Variants in SLC7A5 observed in about 807,000 individuals in gnomAD.
SLC7A5 encodes the protein large neutral amino acids transporter small subunit 1.
Under a neutral mutation model 50.2 loss-of-function variants are expected in SLC7A5, and 23 were observed. The ratio of observed to expected loss-of-function variants is 0.46; its 90% CI spans 0.33 to 0.65. SLC7A5 has a LOEUF of 0.65. SLC7A5 is among the 30% of genes least tolerant of loss of function. The probability of loss-of-function intolerance (pLI) is 0.02; values close to 1 mark genes in which losing one functional copy is unlikely to be tolerated. For missense variants in SLC7A5, 578 were observed against 684.4 expected (o/e 0.84, Z 1.73); for synonymous variants, 393 against 330.6 (o/e 1.19, Z -2.05).
chr16:87,832,968 G>C lies in SLC7A5; in HGVS notation c.*2C>G, dbSNP rs747383028. 21 of 1,613,294 alleles carry C rather than the reference G, an allele frequency of 1.3e-5. No homozygotes were observed. The highest frequency in any genetic ancestry group is 1.6e-5 in the Non-Finnish European group (19 of 1,179,412). On this transcript the variant is annotated 3_prime_UTR_variant, in exon 10 of 10. Transcript: ENST00000261622. This position sits in a 1 kb window ranked among gnomAD's most constrained non-coding sequence, Gnocchi z 4.6. ...TCCTCCGGCAGCCACTCGGCCTCCTGGCTATGTCTCCTGGGGGACCACCTG... is the reference window on the plus strand; with the variant it reads ...TCCTCCGGCAGCCACTCGGCCTCCTCGCTATGTCTCCTGGGGGACCACCTG...
In SLC7A5 at chr16:87,830,878, C is replaced by T. The variant is rs1381254610; in HGVS notation, c.*2092G>A. Reference sequence around the variant, plus strand: ...CTTGAGGCATGTCCACGTCCCAGAGCAGGAGGTTGGAACAGAACGGCATCC... The same window carrying T: ...CTTGAGGCATGTCCACGTCCCAGAGTAGGAGGTTGGAACAGAACGGCATCC... On this transcript the variant is annotated 3_prime_UTR_variant, in exon 10 of 10. Transcript: ENST00000261622. 6.6e-6 allele frequency: 1 copy of T among 152,286 alleles called. No individual in the cohort carries two copies. Among genetic ancestry groups the T allele is most frequent in the Non-Finnish European group, 1.5e-5 (1 of 68,090 alleles). The allele number at this position is 152,286 out of a possible 1,614,324, so 9.4% of individuals were successfully genotyped here. A position where few individuals can be genotyped will look rare whatever the true frequency, so the allele number is the denominator to read the frequency against.
chr16:87,842,663 C>A (rs559786784), intron 2 of SLC7A5, among the ~76,000 whole-genome samples: 1 of 152,300 alleles, frequency 6.6e-6, no homozygotes, highest in African/African-American at 2.4e-5. Context: ...TCAGCCTACA[C>A]TGGGGGTGCT....
chr16:87,836,740 G>A lies in SLC7A5; in HGVS notation c.1141-93C>T, dbSNP rs112887878. On this transcript the variant is annotated intron_variant, in intron 7 of 9. Coordinates refer to ENST00000261622, the MANE Select transcript of SLC7A5 (RefSeq NM_003486.7). The stretch of plus-strand genomic sequence containing the variant: ...CACCGGGGACTGTCCAGCCTGGCTG[G>A]GCCCAGCTGAGCACCAGGGAATTTT... 1,005 of 1,392,440 alleles carry A rather than the reference G, an allele frequency of 7.2e-4. 6 individuals are homozygous for A. In the African/African-American group the frequency reaches 0.013, roughly 18 times the overall value. The allele number at this position is 1,392,440 out of a possible 1,614,324, so 86.3% of individuals were successfully genotyped here.
Position 87,839,683 on chromosome 16 carries a change from C to G in SLC7A5, c.939+19G>C, listed in dbSNP as rs751907770. Reference sequence around the variant, plus strand: ...CAGCCTCTCAGGCCCCTGGTGGAAGCTGGCGGGTAGCGGCTCACCACGGCC... The same window carrying G: ...CAGCCTCTCAGGCCCCTGGTGGAAGGTGGCGGGTAGCGGCTCACCACGGCC... On this transcript the variant is annotated intron_variant, in intron 5 of 9. Coordinates refer to ENST00000261622, the MANE Select transcript of SLC7A5 (RefSeq NM_003486.7). 1 of 1,612,666 alleles carries G rather than the reference C, an allele frequency of 6.2e-7. No individual in the cohort carries two copies. The highest frequency in any genetic ancestry group is 1.3e-5 in the African/African-American group (1 of 74,898).
intron 2 of SLC7A5, among the ~76,000 whole-genome samples, chr16:87,847,160 C>G (rs2055164166): frequency 6.6e-6 from 1 of 152,224 alleles, no homozygotes; most frequent in South Asian, 2.1e-4. Context: ...GAAGAAGGAA[C>G]AGCTCTAAGC....
chr16:87,832,859 T>C lies in SLC7A5; in HGVS notation c.*111A>G, dbSNP rs528287201. Reference sequence around the variant, plus strand: ...CGACCTGGGAGGGACGGCGAGGGACTGGGATGGGCAGCTGAGCTGTGGGTT... The same window carrying C: ...CGACCTGGGAGGGACGGCGAGGGACCGGGATGGGCAGCTGAGCTGTGGGTT... On this transcript the variant is annotated 3_prime_UTR_variant, in exon 10 of 10. Transcript: ENST00000261622. The surrounding 1 kb of genome is among the most constrained non-coding windows in gnomAD (Gnocchi z 4.6). The C allele has an allele frequency of 1.2e-6, 1 of 869,206 alleles. No individual in the cohort carries two copies. Among genetic ancestry groups the C allele is most frequent in the African/African-American group, 1.6e-5 (1 of 60,682 alleles). 53.8% of individuals were successfully genotyped at this position (869,206 alleles called of 1,614,324 possible). A position where few individuals can be genotyped will look rare whatever the true frequency, so the allele number is the denominator to read the frequency against.
rs919318539 is a variant in SLC7A5, at chr16:87,841,606, G to A, written c.665-451C>T. Among the ~76,000 whole-genome samples, 1 of 152,230 alleles carries A rather than the reference G, an allele frequency of 6.6e-6. No individual in the cohort carries two copies. Among genetic ancestry groups the A allele is most frequent in the Non-Finnish European group, 1.5e-5 (1 of 68,024 alleles). ...ACTAGGGCCCTGCTTCTTGGGGTGC[G>A]AGGAGCTCGGAACAGACTGCCCTCC... is the stretch of plus-strand genomic sequence containing the variant. On this transcript the variant is annotated intron_variant, in intron 2 of 9. Coordinates refer to ENST00000261622, the MANE Select transcript of SLC7A5 (RefSeq NM_003486.7). This position sits in a 1 kb window ranked among gnomAD's most constrained non-coding sequence, Gnocchi z 4.8.
intron 1 of SLC7A5, among the ~76,000 whole-genome samples, chr16:87,858,303 A>G (rs1441318608): frequency 6.6e-6 from 1 of 152,130 alleles, no homozygotes; most frequent in Non-Finnish European, 1.5e-5. Flanking sequence ...CATCACCATT[A>G]ATCTGACCAG....
intron 5 of SLC7A5, 127 bp from the exon 6 acceptor site, chr16:87,838,944 C>T: frequency 4.0e-6 from 3 of 741,648 alleles, no homozygotes; most frequent in Admixed American, 2.0e-5. Flanking sequence ...CTGCAGAGGA[C>T]CTCTCAGGCT....
intron 9 of SLC7A5, 87 bp downstream of exon 9, chr16:87,834,327 T>C (rs979532067): frequency 2.2e-6 from 3 of 1,339,856 alleles, no homozygotes; most frequent in Non-Finnish European, 2.1e-6. Context: ...CTTCGCCCCA[T>C]GTGGGTGGAG....
chr16:87,847,265 G>A (rs2055165600), intron 2 of SLC7A5, among the ~76,000 whole-genome samples: 1 of 152,222 alleles, frequency 6.6e-6, no homozygotes, highest in African/African-American at 2.4e-5. Context: ...TTTCTCACCA[G>A]AACAGCCCAG....
intron 7 of SLC7A5, chr16:87,837,615 C>G: frequency 1.9e-6 from 1 of 533,454 alleles, no homozygotes; most frequent in South Asian, 2.3e-5. Context: ...CTGCCTCCCG[C>G]ATTTCCGATG....
intron 2 of SLC7A5, among the ~76,000 whole-genome samples, chr16:87,849,269 G>C (rs1200359038): frequency 6.6e-6 from 1 of 152,170 alleles, no homozygotes; most frequent in Non-Finnish European, 1.5e-5. Context: ...GGGAGAAAGG[G>C]GTCAACACAA....
rs2055235006 is a variant in SLC7A5 at position 87,852,137 on chromosome 16, C to T, written c.539-288G>A. On this transcript the variant is annotated intron_variant, in intron 1 of 9. Coordinates refer to ENST00000261622, the MANE Select transcript of SLC7A5 (RefSeq NM_003486.7). This position sits in a 1 kb window ranked among gnomAD's most constrained non-coding sequence, Gnocchi z 4.5. ...CCCACCACACCAGGCCATGGAGTCC[C>T]ACCTGTAGTCAGGACTTCAAGTGGG... Among the ~76,000 whole-genome samples the T allele has an allele frequency of 6.6e-6, 1 of 152,182 alleles. No individual in the cohort carries two copies. The highest frequency in any genetic ancestry group is 2.4e-5 in the African/African-American group (1 of 41,442).
chr16:87,866,100 G>GA, intron 1 of SLC7A5, among the ~76,000 whole-genome samples: 1 of 152,288 alleles, frequency 6.6e-6, no homozygotes. Flanking sequence ...GTTCTATGGG[G>GA]GGGCGGGGGT....
At position 87,841,913 on chromosome 16, in the gene SLC7A5, G is replaced by T. The variant is rs368434673; in HGVS notation, c.665-758C>A. 6.6e-6 allele frequency among the ~76,000 whole-genome samples: 1 copy of T among 152,214 alleles called. No homozygotes were observed. Among genetic ancestry groups the T allele is most frequent in the Non-Finnish European group, 1.5e-5 (1 of 68,030 alleles). On this transcript the variant is annotated intron_variant, in intron 2 of 9. Coordinates refer to ENST00000261622, the MANE Select transcript of SLC7A5 (RefSeq NM_003486.7). This position sits in a 1 kb window ranked among gnomAD's most constrained non-coding sequence, Gnocchi z 4.8. ...CCAAATAAGGCCACCAGCATTCACAGGTTCCCCAGGAGGACATGTCTTTTG... is the reference window on the plus strand; with the variant it reads ...CCAAATAAGGCCACCAGCATTCACATGTTCCCCAGGAGGACATGTCTTTTG...
At chr16:87,851,684 C>T (rs759454515) in intron 2 of SLC7A5, 40 bp downstream of exon 2, 3 of 1,601,566 alleles carry the variant, frequency 1.9e-6, no homozygotes, top group Non-Finnish European at 8.5e-7. Flanking sequence ...ACAGGCAAAG[C>T]CTCGAGGGGC....
intron 1 of SLC7A5, among the ~76,000 whole-genome samples, chr16:87,865,959 T>G (rs2055455545): frequency 6.6e-6 from 1 of 152,146 alleles, no homozygotes; most frequent in South Asian, 2.1e-4. Context: ...AAGCAGAGGT[T>G]GCAGTGAGCA....
rs1424215286 is a variant in SLC7A5 at position 87,832,275 on chromosome 16, C to G, written c.*695G>C. 6.6e-6 allele frequency: 1 copy of G among 152,294 alleles called. No individual in the cohort carries two copies. Among genetic ancestry groups the G allele is most frequent in the Non-Finnish European group, 1.5e-5 (1 of 68,110 alleles). The allele number at this position is 152,294 out of a possible 1,614,324, so 9.4% of individuals were successfully genotyped here. A position where few individuals can be genotyped will look rare whatever the true frequency, so the allele number is the denominator to read the frequency against. ...AGCTAGGGGAGATGCCGGCACCCCC[C>G]AACCCTGGGGCTGTTCCCTGGCTCA... On this transcript the variant is annotated 3_prime_UTR_variant, in exon 10 of 10. Coordinates refer to ENST00000261622, the MANE Select transcript of SLC7A5 (RefSeq NM_003486.7). This position sits in a 1 kb window ranked among gnomAD's most constrained non-coding sequence, Gnocchi z 4.6.
Sources: allele counts gnomAD v4.1 joint callset (sites outside exome capture counted in the v4.1 genomes callset), GRCh38; gene constraint gnomAD v4.1.1; non-coding constraint Gnocchi (gnomAD v3.1); transcripts MANE v1.5; gene names NCBI Gene and HGNC (gene_info 2026-07-23, HGNC 2026-07-21).